Variants in TNS3 observed in about 807,000 individuals in gnomAD.
TNS3 encodes the protein tensin-3.
A neutral mutation model predicts 140.9 loss-of-function variants in TNS3; 45 were observed. The ratio of observed to expected loss-of-function variants is 0.32; its 90% confidence interval spans 0.25 to 0.41. The LOEUF (loss-of-function observed/expected upper bound fraction) is 0.41, where lower values mean the gene tolerates loss of function less well. Ranked by LOEUF, TNS3 falls within the 10% of genes least tolerant of loss-of-function variation. The pLI is 1.00. For missense variants in TNS3, 1,716 were observed against 1,906.7 expected (o/e 0.90, Z 1.86); for synonymous variants, 815 against 788.4 (o/e 1.03, Z -0.56).
Position 47,368,380 on chromosome 7 carries a change from C to T in TNS3, c.2266G>A (p.Ala756Thr), listed in dbSNP as rs372023734. 34 of 1,489,386 alleles carry T rather than the reference C, an allele frequency of 2.3e-5. No individual in the cohort carries two copies. The East Asian group carries it at 5.2e-4, about 23-fold the overall frequency. The allele number at this position is 1,489,386 out of a possible 1,614,324, so 92.3% of individuals were successfully genotyped here. A position where few individuals can be genotyped will look rare whatever the true frequency, so the allele number is the denominator to read the frequency against. The change falls in exon 17 of 31, where the codon GCC (alanine) becomes ACC (threonine). Residue 756 changes from alanine to threonine, a missense_variant. Coordinates refer to ENST00000311160, the MANE Select transcript of TNS3 (RefSeq NM_022748.12). ...LPDTGEGPSR[A>T]TGRQGSSAEQ... ...CCCAGCTCACCTTGCCGCCCGGTGG[C>T]CCTGCTGGGGCCCTCTCCTGTGTCA...
intron 9 of TNS3, among the ~76,000 whole-genome samples, chr7:47,427,285 T>C (rs1378792858): frequency 6.6e-6 from 1 of 152,136 alleles, no homozygotes; most frequent in African/African-American, 2.4e-5. Context: ...ATGATTATTC[T>C]CACCAAGAGG....
intron 13 of TNS3, among the ~76,000 whole-genome samples, chr7:47,409,844 A>T (rs1356824413): frequency 2.0e-5 from 3 of 152,110 alleles, no homozygotes; most frequent in Admixed American, 2.0e-4. Context: ...TTTTTAGTAG[A>T]GATGGGGTTT....
At chr7:47,574,524 T>C (rs1296800794) in intron 1 of TNS3, among the ~76,000 whole-genome samples, 1 of 152,036 alleles carries the variant, frequency 6.6e-6, no homozygotes, top group South Asian at 2.1e-4. Flanking sequence ...CAGGGACTTA[T>C]ACACCCATGT....
chr7:47,384,466 C>T (rs929756772), intron 16 of TNS3, among the ~76,000 whole-genome samples: 7 of 152,354 alleles, frequency 4.6e-5, no homozygotes, highest in Admixed American at 3.9e-4. Context: ...GGTTCAAACA[C>T]TCTCATCACC....
rs537886756 is a variant in TNS3, at chr7:47,415,097, C to T, written c.583G>A (p.Gly195Arg). 2.5e-5 allele frequency: 40 copies of T among 1,610,612 alleles called. 1 individual carries two copies. In the South Asian group the frequency reaches 4.2e-4, roughly 17 times the overall value. Residue 195 changes from glycine to arginine, a missense_variant, in exon 11 of 31, where the codon GGA becomes AGA. This residue lies in a region of TNS3 where 337 missense variants were observed against 428.9 expected (regional missense o/e 0.79). Transcript: ENST00000311160. ...LHGTPNFDTG[G>R]VCRPFLKLYQ... Reference sequence around the variant, plus strand: ...CCACGTCATAGGGGACACTCACCTCCACCTGTGTCGAAGTTGGGGGTGCCG... The same window carrying T: ...CCACGTCATAGGGGACACTCACCTCTACCTGTGTCGAAGTTGGGGGTGCCG...
At position 47,304,944 on chromosome 7, in the gene TNS3, C is replaced by G; in HGVS notation, c.2710G>C (p.Gly904Arg). Reference sequence around the variant, plus strand: ...GCCCGGAGCATCGTGGATTTGGGTCCGATGGGGCTCTCTGACATCCCCACA... The same window carrying G: ...GCCCGGAGCATCGTGGATTTGGGTCGGATGGGGCTCTCTGACATCCCCACA... ...HAVGMSESPIGPKSTMLRADA... is the reference protein window; with the variant it reads ...HAVGMSESPIRPKSTMLRADA... Residue 904 changes from glycine (G) to arginine (R), a missense_variant, in exon 21 of 31, where the codon GGA becomes CGA. By Grantham distance (125) the Gly-to-Arg change is moderately radical (BLOSUM62 -2). This residue lies in a region of TNS3 where 1,163 missense variants were observed against 1,182.1 expected (regional missense o/e 0.98). Coordinates refer to ENST00000311160, the MANE Select transcript of TNS3 (RefSeq NM_022748.12). The G allele has an allele frequency of 7.0e-7, 1 of 1,424,324 alleles. No homozygotes were observed. Among genetic ancestry groups the G allele is most frequent in the Non-Finnish European group, 9.3e-7 (1 of 1,074,744 alleles). 88.2% of individuals were successfully genotyped at this position (1,424,324 alleles called of 1,614,324 possible). A position where few individuals can be genotyped will look rare whatever the true frequency, so the allele number is the denominator to read the frequency against.
At chr7:47,435,189 C>G (rs896789062) in intron 8 of TNS3, 93 bp downstream of exon 8, 18 of 1,535,642 alleles carry the variant, frequency 1.2e-5, no homozygotes, top group Non-Finnish European at 1.6e-5. Flanking sequence ...CAGCTCAAAG[C>G]GGAAATGTGC....
At chr7:47,511,368 CAA>C (rs927646954) in intron 2 of TNS3, among the ~76,000 whole-genome samples, 2 of 149,580 alleles carry the variant, frequency 1.3e-5, no homozygotes, top group East Asian at 3.9e-4. Flanking sequence ...AACAGAATCA[CAA>C]AAAAAAATGC....
intron 20 of TNS3, among the ~76,000 whole-genome samples, chr7:47,320,107 C>A (rs1271175369): frequency 1.3e-5 from 2 of 152,166 alleles, no homozygotes. Flanking sequence ...CATAAGTTAT[C>A]TTTATAAATT....
intron 16 of TNS3, among the ~76,000 whole-genome samples, chr7:47,389,122 A>G (rs57514568): frequency 0.13 from 1,114 of 8,364 alleles, 270 homozygotes; most frequent in South Asian, 0.5. Context: ...AAGAAGAAGA[A>G]GAAGAAGAAG....
At chr7:47,477,127 C>A (rs554933392) in intron 4 of TNS3, among the ~76,000 whole-genome samples, 1 of 152,304 alleles carries the variant, frequency 6.6e-6, no homozygotes, top group Admixed American at 6.5e-5. Context: ...GACAGACACC[C>A]TTACAGTCCT....
chr7:47,481,753 G>A (rs989681656), intron 3 of TNS3: 28 of 974,128 alleles, frequency 2.9e-5, no homozygotes, highest in Admixed American at 6.1e-5. Context: ...AGAAAGTAAC[G>A]GAGGCAAGGT....
At position 47,558,251 on chromosome 7, in the gene TNS3, G is replaced by A. The variant is rs186255302; in HGVS notation, c.-265+23800C>T. On this transcript the variant is annotated intron_variant, in intron 1 of 30. Transcript: ENST00000311160. ...TGATAAGAGCAAGCTACAGCAAGCC[G>A]GTGCCGAGGAGGATCAAAGAGGCTG... Among the ~76,000 whole-genome samples, 93 of 152,296 alleles carry A rather than the reference G, an allele frequency of 6.1e-4. 2 individuals are homozygous for A. The highest frequency in any genetic ancestry group is 4.0e-3 in the Admixed American group (61 of 15,306).
At chr7:47,563,894 C>T (rs73695393) in intron 1 of TNS3, among the ~76,000 whole-genome samples, 1 of 152,250 alleles carries the variant, frequency 6.6e-6, no homozygotes, top group Non-Finnish European at 1.5e-5. Flanking sequence ...GTATTTTTTA[C>T]ATATGATTAA....
intron 4 of TNS3, among the ~76,000 whole-genome samples, chr7:47,449,112 G>C (rs957677535): frequency 6.6e-6 from 1 of 152,230 alleles, no homozygotes; most frequent in Non-Finnish European, 1.5e-5. Flanking sequence ...CAGTTAAACT[G>C]TACAGAATCT....
intron 1 of TNS3, among the ~76,000 whole-genome samples, chr7:47,540,709 A>T (rs1799760360): frequency 6.6e-6 from 1 of 152,246 alleles, no homozygotes; most frequent in African/African-American, 2.4e-5. Flanking sequence ...GCAGAAGCAG[A>T]CACTTTCCAG....
intron 4 of TNS3, among the ~76,000 whole-genome samples, chr7:47,469,644 T>A (rs1030083345): frequency 6.6e-6 from 1 of 152,176 alleles, no homozygotes; most frequent in Admixed American, 6.5e-5. Flanking sequence ...GACATAGAAT[T>A]ATCCTAAGTG....
At chr7:47,572,202 C>T (rs1233493302) in intron 1 of TNS3, among the ~76,000 whole-genome samples, 1 of 152,184 alleles carries the variant, frequency 6.6e-6, no homozygotes, top group Admixed American at 6.5e-5. Flanking sequence ...AGCCGAGGGA[C>T]CATTTGGAGT....
In TNS3 at chr7:47,303,483, A is replaced by G. The variant is rs781193617; in HGVS notation, c.2924T>C (p.Phe975Ser). Residue 975 changes from phenylalanine to serine, a missense_variant, in exon 22 of 31, where the codon TTC becomes TCC. By Grantham distance (155) the Phe-to-Ser change is radical. Around this residue, in one of 3 missense-constraint regions of TNS3, gnomAD observed 1,163 missense variants for 1,182.1 expected, o/e 0.98. Transcript: ENST00000311160. Reference sequence around the variant, plus strand: ...TGGGGAGTCCTTCCTGGTACCGGAGAACTCAGCGCTGAGGGGACTTCCGGT... The same window carrying G: ...TGGGGAGTCCTTCCTGGTACCGGAGGACTCAGCGCTGAGGGGACTTCCGGT... ...RPTGSPLSAE[F>S]SGTRKDSPVL... 2 of 1,611,136 alleles carry G rather than the reference A, an allele frequency of 1.2e-6. No homozygotes were observed. Among genetic ancestry groups the G allele is most frequent in the African/African-American group, 2.7e-5 (2 of 74,906 alleles).
Sources: allele counts gnomAD v4.1 joint callset (sites outside exome capture counted in the v4.1 genomes callset), GRCh38; gene constraint gnomAD v4.1.1; regional missense constraint gnomAD v4.1.1; transcripts MANE v1.5; gene names NCBI Gene and HGNC (gene_info 2026-07-23, HGNC 2026-07-21).